Variants in CCDC85A observed in about 807,000 individuals in gnomAD.
CCDC85A encodes coiled-coil domain containing 85A, also known as coiled-coil domain-containing protein 85A.
In CCDC85A, 38 loss-of-function variants were observed where a neutral mutation model predicts 50.2. The ratio of observed to expected loss-of-function variants is 0.76; its 90% CI spans 0.58 to 0.99. CCDC85A has a LOEUF of 0.99. CCDC85A is among the 50% of genes least tolerant of loss of function. The pLI, the probability that CCDC85A is intolerant of heterozygous loss-of-function variation, is 0.00. For missense variants in CCDC85A, 820 were observed against 742.0 expected (o/e 1.11, Z -1.22); for synonymous variants, 366 against 301.4 (o/e 1.21, Z -2.22).
At chr2:56,361,173 G>A (rs572755820) in intron 3 of CCDC85A, among the ~76,000 whole-genome samples, 126 of 152,014 alleles carry the variant, frequency 8.3e-4, no homozygotes, top group African/African-American at 2.9e-3. Flanking sequence ...AGAATGGCGC[G>A]AACCCAGGAG....
rs1334693903 is a variant in CCDC85A at position 56,372,333 on chromosome 2, C to A, written c.1318-11C>A. 1 of 1,557,840 alleles carries A rather than the reference C, an allele frequency of 6.4e-7. No individual in the cohort carries two copies. The highest frequency in any genetic ancestry group is 8.7e-7 in the Non-Finnish European group (1 of 1,150,718). ...TTCTGAGTGATTGTACCATATTGTTCCAAATATAAGGCCAGCCAGAATAGA... is the reference window on the plus strand; with the variant it reads ...TTCTGAGTGATTGTACCATATTGTTACAAATATAAGGCCAGCCAGAATAGA... On this transcript the variant is annotated splice_polypyrimidine_tract_variant and intron_variant, in intron 3 of 5. Coordinates refer to ENST00000407595, the MANE Select transcript of CCDC85A (RefSeq NM_001080433.2).
In CCDC85A at chr2:56,384,283, T is replaced by C. The variant is rs776450793; in HGVS notation, c.1590T>C (p.Leu530=). ...VHSLKVVWRK[L]GDAAGSCPGI... is the part of the protein sequence containing the mutation. ...TTTTTAAGGTTGTGTGGAGGAAACTTGGAGATGCTGCAGGTTCGTGTCCTG... is the reference window on the plus strand; with the variant it reads ...TTTTTAAGGTTGTGTGGAGGAAACTCGGAGATGCTGCAGGTTCGTGTCCTG... Residue 530 remains leucine, a synonymous_variant, in exon 6 of 6, where the codon CTT becomes CTC. Transcript: ENST00000407595. 3.1e-6 allele frequency: 5 copies of C among 1,610,982 alleles called. No homozygotes were observed. In the African/African-American group the frequency reaches 5.4e-5, roughly 17 times the overall value.
chr2:56,273,365 G>A (rs901487387), intron 2 of CCDC85A, among the ~76,000 whole-genome samples: 1 of 152,022 alleles, frequency 6.6e-6, no homozygotes, highest in Non-Finnish European at 1.5e-5. Context: ...GGAAAGCCTA[G>A]CTCAAGGAAA....
chr2:56,259,004 A>G (rs747950507), intron 2 of CCDC85A, among the ~76,000 whole-genome samples: 2 of 152,218 alleles, frequency 1.3e-5, no homozygotes, highest in African/African-American at 2.4e-5. Context: ...CTAAATGAAT[A>G]AAATAATGGT....
chr2:56,287,871 C>T (rs887288405), intron 2 of CCDC85A, among the ~76,000 whole-genome samples: 4 of 152,106 alleles, frequency 2.6e-5, no homozygotes, highest in African/African-American at 9.7e-5. Flanking sequence ...TGAAATTTTT[C>T]TCCTATTTAG....
chr2:56,230,930 G>A (rs1343901787), intron 2 of CCDC85A, among the ~76,000 whole-genome samples: 1 of 152,132 alleles, frequency 6.6e-6, no homozygotes, highest in African/African-American at 2.4e-5. Flanking sequence ...TTTTGCTACT[G>A]AGGGTCTGCT....
In CCDC85A at chr2:56,225,233, G is replaced by T. The variant is rs570399564; in HGVS notation, c.1240+31793G>T. On this transcript the variant is annotated intron_variant, in intron 2 of 5. Coordinates refer to ENST00000407595, the MANE Select transcript of CCDC85A (RefSeq NM_001080433.2). ...AGGTCAGGAGTTCGAGATCAGCCTG[G>T]CCAATATGGTGAAACCCCATCTCTA... Among the ~76,000 whole-genome samples the T allele has an allele frequency of 1.4e-4, 21 of 152,112 alleles. 1 individual carries two copies. In the South Asian group the frequency reaches 4.4e-3, roughly 32 times the overall value.
chr2:56,215,479 G>C (rs1209746368), intron 2 of CCDC85A, among the ~76,000 whole-genome samples: 1 of 151,698 alleles, frequency 6.6e-6, no homozygotes, highest in Non-Finnish European at 1.5e-5. Flanking sequence ...AATGTTAGGG[G>C]GAAGGCATCC....
intron 2 of CCDC85A, among the ~76,000 whole-genome samples, chr2:56,265,842 C>A (rs1410856800): frequency 6.6e-6 from 1 of 152,088 alleles, no homozygotes; most frequent in Non-Finnish European, 1.5e-5. Flanking sequence ...TATCTGCACT[C>A]CCATATTTAT....
intron 2 of CCDC85A, among the ~76,000 whole-genome samples, chr2:56,258,251 A>G (rs145253218): frequency 7.2e-5 from 11 of 152,314 alleles, no homozygotes; most frequent in East Asian, 1.9e-4. Flanking sequence ...ACAGAAGCCA[A>G]TGGAACAAAG....
At position 56,192,575 on chromosome 2, in the gene CCDC85A, G is replaced by A. The variant is rs527983227; in HGVS notation, c.375G>A (p.Glu125=). The A allele has an allele frequency of 6.2e-7, 1 of 1,613,976 alleles. No individual in the cohort carries two copies. Among genetic ancestry groups the A allele is most frequent in the East Asian group, 2.2e-5 (1 of 44,884 alleles). ...AGAAAGGCAAGAGGGTGTCTCGGGA[G>A]TGGCAGAGACTGGGTCGCTACACTG... The part of the protein sequence containing the change: ...DRQKGKRVSR[E]WQRLGRYTAG... Residue 125 remains glutamate (E), a synonymous_variant, in exon 2 of 6, where the codon GAG becomes GAA. Coordinates refer to ENST00000407595, the MANE Select transcript of CCDC85A (RefSeq NM_001080433.2). This position sits in a 1 kb window ranked among gnomAD's most constrained non-coding sequence, Gnocchi z 4.7.
At chr2:56,335,541 A>G (rs1212299664) in intron 2 of CCDC85A, among the ~76,000 whole-genome samples, 1 of 152,080 alleles carries the variant, frequency 6.6e-6, no homozygotes. Flanking sequence ...GTATTCAGTA[A>G]GGGCCTTCTT....
chr2:56,243,595 T>A lies in CCDC85A; in HGVS notation c.1240+50155T>A, dbSNP rs1309052005. On this transcript the variant is annotated intron_variant, in intron 2 of 5. Coordinates refer to ENST00000407595, the MANE Select transcript of CCDC85A (RefSeq NM_001080433.2). ...GAAAACAGCTATTTTGAATTCTGTGTCTGAAAGGTCACATATCTTTATCTC... is the reference window on the plus strand; with the variant it reads ...GAAAACAGCTATTTTGAATTCTGTGACTGAAAGGTCACATATCTTTATCTC... 2.6e-5 allele frequency among the ~76,000 whole-genome samples: 4 copies of A among 152,206 alleles called. No individual in the cohort carries two copies. The South Asian group carries it at 8.3e-4, about 31-fold the overall frequency.
intron 1 of CCDC85A, among the ~76,000 whole-genome samples, chr2:56,188,979 C>T (rs1224824694): frequency 3.3e-5 from 5 of 152,212 alleles, no homozygotes; most frequent in Non-Finnish European, 7.3e-5. Context: ...AGTGATTGTT[C>T]TAGCTAGAGT....
At chr2:56,258,628 A>T (rs998771981) in intron 2 of CCDC85A, among the ~76,000 whole-genome samples, 2 of 152,202 alleles carry the variant, frequency 1.3e-5, no homozygotes, top group African/African-American at 2.4e-5. Context: ...GACAGGAGAG[A>T]CCGGAATATA....
intron 2 of CCDC85A, among the ~76,000 whole-genome samples, chr2:56,260,884 T>A (rs1218026602): frequency 6.6e-6 from 1 of 152,244 alleles, no homozygotes; most frequent in East Asian, 1.9e-4. Context: ...TGAGGGAGTT[T>A]AACCTTTGAT....
At chr2:56,316,804 C>G (rs1444766460) in intron 2 of CCDC85A, among the ~76,000 whole-genome samples, 1 of 152,062 alleles carries the variant, frequency 6.6e-6, no homozygotes, top group Non-Finnish European at 1.5e-5. Context: ...CTGTTTCAGG[C>G]AGTTATTCAC....
chr2:56,327,540 AT>A (rs2104282319), intron 2 of CCDC85A, among the ~76,000 whole-genome samples: 1 of 152,286 alleles, frequency 6.6e-6, no homozygotes, highest in Non-Finnish European at 1.5e-5. Context: ...TTTATGCTAA[AT>A]CAGTATGGTT....
At chr2:56,233,947 A>G (rs12612590) in intron 2 of CCDC85A, among the ~76,000 whole-genome samples, 67,448 of 152,066 alleles carry the variant, frequency 0.44, 15,494 homozygotes, top group Admixed American at 0.58. Context: ...CTGATGCATA[A>G]TCAAATTGGA....
Sources: gnomAD v4.1 joint callset for allele counts (sites outside exome capture counted in the v4.1 genomes callset) on GRCh38, gnomAD v4.1.1 for gene constraint, Gnocchi (gnomAD v3.1) non-coding constraint, MANE v1.5 for transcripts, NCBI Gene and HGNC (gene_info 2026-07-23, HGNC 2026-07-21) for gene names.